Variants in SYNE1 observed in about 807,000 individuals in gnomAD.
The protein encoded by SYNE1 is nesprin-1.
SYNE1 carries 616 observed loss-of-function variants against 1,111.0 expected under a neutral mutation model. That is an observed-to-expected ratio of 0.55 (90% CI 0.52 to 0.59). The LOEUF is 0.59. Ranked by LOEUF, SYNE1 falls within the 20% of genes least tolerant of loss-of-function variation. SYNE1 has a pLI of 0.00. For synonymous variants in SYNE1, 3,855 were observed against 3,825.8 expected, an observed-to-expected ratio of 1.01 and a Z score of -0.28; for missense variants, 10,006 against 10,417.0, an observed-to-expected ratio of 0.96 and a Z score of 1.72.
At position 152,294,080 on chromosome 6, in the gene SYNE1, A is replaced by G. The variant is rs1158153271; in HGVS notation, c.17730T>C (p.Asp5910=). The change falls in exon 94 of 146, where the codon GAT becomes GAC. Residue 5910 remains aspartate (D), a synonymous_variant. Coordinates refer to ENST00000367255, the MANE Select transcript of SYNE1 (RefSeq NM_182961.4). ...QALSAERLQT[D]AAKIHPSTSA... The stretch of plus-strand genomic sequence containing the variant: ...ATGTGCTGGGGTGAATTTTTGCAGC[A>G]TCTGTCTGCAACCTCTCAGCAGACA... The G allele has an allele frequency of 6.2e-7, 1 of 1,613,912 alleles. No individual in the cohort carries two copies. The highest frequency in any genetic ancestry group is 1.1e-5 in the South Asian group (1 of 91,070).
rs1011532894 is a variant in SYNE1 at position 152,426,459 on chromosome 6, C to T, written c.5101-912G>A. Reference sequence around the variant, plus strand: ...GAATGCACAAGTCAGGTCCAGCCCACGAGGCGAGGCTGCCTTACTGACGCA... The same window carrying T: ...GAATGCACAAGTCAGGTCCAGCCCATGAGGCGAGGCTGCCTTACTGACGCA... On this transcript the variant is annotated intron_variant, in intron 38 of 145. Transcript: ENST00000367255. Among the ~76,000 whole-genome samples the T allele has an allele frequency of 2.2e-4, 33 of 152,358 alleles. 1 individual carries two copies. The highest frequency in any genetic ancestry group is 8.3e-4 in the South Asian group (4 of 4,826).
intron 128 of SYNE1, among the ~76,000 whole-genome samples, chr6:152,187,034 G>C (rs767659206): frequency 6.6e-6 from 1 of 152,186 alleles, no homozygotes; most frequent in Non-Finnish European, 1.5e-5. Flanking sequence ...CAAGTGTTGT[G>C]ATTAGCATTA....
intron 3 of SYNE1, among the ~76,000 whole-genome samples, chr6:152,549,663 A>G (rs2099330479): frequency 6.6e-6 from 1 of 152,214 alleles, no homozygotes; most frequent in Admixed American, 6.5e-5. Context: ...ACGAGAAGAG[A>G]GAAAATTAAT....
At chr6:152,521,526 C>A (rs2099139564) in intron 5 of SYNE1, among the ~76,000 whole-genome samples, 1 of 152,122 alleles carries the variant, frequency 6.6e-6, no homozygotes, top group Non-Finnish European at 1.5e-5. Flanking sequence ...TGACAGATAC[C>A]TTAAACATAC....
rs927400720 is a variant in SYNE1 at position 152,406,695 on chromosome 6, C to T, written c.6723+319G>A. On this transcript the variant is annotated intron_variant, in intron 45 of 145. Coordinates refer to ENST00000367255, the MANE Select transcript of SYNE1 (RefSeq NM_182961.4). ...CCAGCCTGACCAACATGGTGAAATC[C>T]CATCTCTACTAAAAATACAAAAATT... 5.9e-5 allele frequency among the ~76,000 whole-genome samples: 9 copies of T among 151,920 alleles called. No individual in the cohort carries two copies. The East Asian group carries it at 7.8e-4, about 13-fold the overall frequency.
At position 152,483,068 on chromosome 6, in the gene SYNE1, C is replaced by G. The variant is rs1415154148; in HGVS notation, c.1350+17G>C. The G allele has an allele frequency of 6.2e-7, 1 of 1,614,152 alleles. No homozygotes were observed. Among genetic ancestry groups the G allele is most frequent in the Non-Finnish European group, 8.5e-7 (1 of 1,179,998 alleles). The stretch of plus-strand genomic sequence containing the variant: ...TAGGGCTGTTATGCTGCAAGGTTTT[C>G]CAACCAGAATTTTTACCTTATGTTG... On this transcript the variant is annotated intron_variant, in intron 14 of 145. Transcript: ENST00000367255.
intron 97 of SYNE1, among the ~76,000 whole-genome samples, chr6:152,279,495 C>G: frequency 6.6e-6 from 1 of 151,604 alleles, no homozygotes; most frequent in East Asian, 1.9e-4. Context: ...GCAGGCAGAT[C>G]GCTTGAGCTC....
Position 152,481,730 on chromosome 6 carries a change from C to T in SYNE1, c.1350+1355G>A, listed in dbSNP as rs1052941142. Reference sequence around the variant, plus strand: ...CTATTTTTAATATACTGGGGTGATTCAAAATTGACATGGCCCAGGAAACTG... The same window carrying T: ...CTATTTTTAATATACTGGGGTGATTTAAAATTGACATGGCCCAGGAAACTG... On this transcript the variant is annotated intron_variant, in intron 14 of 145. Coordinates refer to ENST00000367255, the MANE Select transcript of SYNE1 (RefSeq NM_182961.4). 1.6e-4 allele frequency among the ~76,000 whole-genome samples: 24 copies of T among 150,854 alleles called. 1 individual carries two copies. In the Admixed American group the frequency reaches 1.6e-3, roughly 10 times the overall value.
At chr6:152,309,507 C>T (rs890414370) in intron 90 of SYNE1, among the ~76,000 whole-genome samples, 1 of 151,906 alleles carries the variant, frequency 6.6e-6, no homozygotes, top group Non-Finnish European at 1.5e-5. Context: ...AACAGTAAAC[C>T]TGTATTATCA....
At chr6:152,306,847 TGA>T (rs986814982) in intron 91 of SYNE1, among the ~76,000 whole-genome samples, 1 of 146,430 alleles carries the variant, frequency 6.8e-6, no homozygotes, top group Non-Finnish European at 1.5e-5. Flanking sequence ...GATCCCACTG[TGA>T]GCCATGATCT....
At chr6:152,232,903 A>T (rs1238505440) in intron 112 of SYNE1, among the ~76,000 whole-genome samples, 1 of 152,224 alleles carries the variant, frequency 6.6e-6, no homozygotes, top group Non-Finnish European at 1.5e-5. Flanking sequence ...AAGATATAGC[A>T]ATGAACGTGG....
chr6:152,602,960 A>T (rs1222818274), intron 3 of SYNE1, among the ~76,000 whole-genome samples: 1 of 152,184 alleles, frequency 6.6e-6, no homozygotes, highest in Admixed American at 6.5e-5. Context: ...AAGACAAACA[A>T]GCCATACCCA....
rs112045273 is a variant in SYNE1 at position 152,223,542 on chromosome 6, C to A, written c.21522+952G>T. Among the ~76,000 whole-genome samples the A allele has an allele frequency of 7.8e-3, 1,185 of 151,362 alleles. 12 individuals carry two copies. The highest frequency in any genetic ancestry group is 0.055 in the Middle Eastern group (16 of 290). Reference sequence around the variant, plus strand: ...GCTGAGGCAGAGAATTGCTTAAACCCGGGAGGCGGAGGTTGCAGTGAGCCG... The same window carrying A: ...GCTGAGGCAGAGAATTGCTTAAACCAGGGAGGCGGAGGTTGCAGTGAGCCG... On this transcript the variant is annotated intron_variant, in intron 117 of 145. Transcript: ENST00000367255.
chr6:152,533,608 A>T (rs2099216663), intron 4 of SYNE1, among the ~76,000 whole-genome samples: 1 of 152,060 alleles, frequency 6.6e-6, no homozygotes, highest in Non-Finnish European at 1.5e-5. Context: ...CCAAGTCACC[A>T]GTACCTTGGC....
At chr6:152,506,359 C>T (rs1004216637) in intron 8 of SYNE1, among the ~76,000 whole-genome samples, 2 of 152,044 alleles carry the variant, frequency 1.3e-5, no homozygotes, top group East Asian at 3.9e-4. Context: ...TGGATAAAGT[C>T]ATCTAGTAGC....
chr6:152,473,038 C>T (rs2098815467), intron 14 of SYNE1, among the ~76,000 whole-genome samples: 6 of 152,100 alleles, frequency 3.9e-5, no homozygotes, highest in Admixed American at 3.9e-4. Flanking sequence ...TAGAACTCCA[C>T]AGGTTTGATT....
intron 99 of SYNE1, among the ~76,000 whole-genome samples, chr6:152,268,809 C>T (rs1168872710): frequency 6.6e-6 from 1 of 152,014 alleles, no homozygotes; most frequent in African/African-American, 2.4e-5. Context: ...TACACTTTCA[C>T]CAAACCTCAA....
chr6:152,485,066 G>C, intron 12 of SYNE1, 94 bp from the exon 13 acceptor site: 1 of 1,329,002 alleles, frequency 7.5e-7, no homozygotes, highest in Non-Finnish European at 1.0e-6. Flanking sequence ...TTTTCTATTT[G>C]GATAACACTC....
At chr6:152,409,468 T>C in intron 43 of SYNE1, 91 bp downstream of exon 43, 2 of 1,517,930 alleles carry the variant, frequency 1.3e-6, no homozygotes, top group Middle Eastern at 2.3e-4. Flanking sequence ...CATCTAAGTA[T>C]ACTGATAAGA....
Sources: allele counts gnomAD v4.1 joint callset (sites outside exome capture counted in the v4.1 genomes callset), GRCh38; gene constraint gnomAD v4.1.1; transcripts MANE v1.5; gene names NCBI Gene and HGNC (gene_info 2026-07-23, HGNC 2026-07-21).